FBXL20: variants seen among roughly 807,000 people sequenced by gnomAD.
FBXL20 encodes the protein F-box and leucine rich repeat protein 20.
Under a neutral mutation model 64.0 loss-of-function variants are expected in FBXL20, and 11 were observed. The ratio of observed to expected loss-of-function variants is 0.17; its 90% CI spans 0.11 to 0.28. FBXL20 has a LOEUF of 0.28. FBXL20 is among the 10% of genes least tolerant of loss of function. The pLI is 1.00. For synonymous variants in FBXL20, 184 were observed against 189.0 expected (o/e 0.97, Z 0.22); for missense variants, 303 against 526.2 (o/e 0.58, Z 4.15).
chr17:39,363,504 CAT>C lies in FBXL20; in HGVS notation c.43-20265_43-20264del, dbSNP rs530931710. Among the ~76,000 whole-genome samples, 24 of 151,960 alleles carry C rather than the reference CAT, an allele frequency of 1.6e-4. No homozygotes were observed. The East Asian group carries it at 3.3e-3, about 21-fold the overall frequency. On this transcript the variant is annotated intron_variant, in intron 1 of 14. Transcript: ENST00000264658. ...ATCTGAGTGTTTATAAATTAAGCCACATGTCTATACAAACAGATAAATAATGG... is the reference window on the plus strand; with the variant it reads ...ATCTGAGTGTTTATAAATTAAGCCACGTCTATACAAACAGATAAATAATGG...
In FBXL20 at chr17:39,261,180, T is replaced by G. The variant is rs926224643; in HGVS notation, c.*280A>C. ...GAATGCCCCTCCCTATCTTGGCCTA[T>G]GATTTTCTTATGGGCACCTCAACAG... On this transcript the variant is annotated 3_prime_UTR_variant, in exon 15 of 15. Coordinates refer to ENST00000264658, the MANE Select transcript of FBXL20 (RefSeq NM_032875.3). 1.8e-5 allele frequency: 6 copies of G among 330,512 alleles called. No individual in the cohort carries two copies. Among genetic ancestry groups the G allele is most frequent in the African/African-American group, 1.1e-4 (5 of 45,250 alleles). The allele number at this position is 330,512 out of a possible 1,614,324, so 20.5% of individuals were successfully genotyped here.
rs904440811 is a variant in FBXL20, at chr17:39,324,155, G to A, written c.104+19025C>T. 2.9e-4 allele frequency among the ~76,000 whole-genome samples: 43 copies of A among 149,716 alleles called. 8 individuals are homozygous for A. The highest frequency in any genetic ancestry group is 1.0e-3 in the African/African-American group (40 of 39,128). On this transcript the variant is annotated intron_variant, in intron 2 of 14. Transcript: ENST00000264658. ...TACACTTCACCGTGTACTAAAGAAC[G>A]GCTCATGAATCAACTGCATCAGTAT...
chr17:39,316,294 T>TACACACAC (rs34083114), intron 2 of FBXL20, among the ~76,000 whole-genome samples: 6 of 150,224 alleles, frequency 4.0e-5, no homozygotes, highest in African/African-American at 9.8e-5. Context: ...CATCTACATA[T>TACACACAC]ACACACACAC....
chr17:39,355,264 G>A (rs8068427), intron 1 of FBXL20, among the ~76,000 whole-genome samples: 48,021 of 151,390 alleles, frequency 0.32, 8,507 homozygotes, highest in African/African-American at 0.48. Context: ...CTATGGCCAC[G>A]CCTGTAATCC....
intron 2 of FBXL20, among the ~76,000 whole-genome samples, chr17:39,337,948 G>GT (rs1158960320): frequency 2.0e-5 from 3 of 151,118 alleles, no homozygotes; most frequent in Non-Finnish European, 4.4e-5. Flanking sequence ...CAGCTGCCCC[G>GT]TCCGGGAGGT....
chr17:39,295,333 C>T (rs2047074554), intron 6 of FBXL20, among the ~76,000 whole-genome samples: 3 of 152,110 alleles, frequency 2.0e-5, no homozygotes, highest in African/African-American at 4.8e-5. Flanking sequence ...GTAGTGTGAT[C>T]TCAGCTCACT....
chr17:39,342,438 G>A (rs1184187363), intron 2 of FBXL20, among the ~76,000 whole-genome samples: 1 of 151,700 alleles, frequency 6.6e-6, no homozygotes, highest in Non-Finnish European at 1.5e-5. Context: ...AATTGGGGCT[G>A]GGCACCGTGG....
intron 1 of FBXL20, among the ~76,000 whole-genome samples, chr17:39,357,672 C>A (rs144774288): frequency 6.6e-6 from 1 of 152,192 alleles, no homozygotes; most frequent in Non-Finnish European, 1.5e-5. Context: ...AGCCTCCCAA[C>A]GTGTTGCGAC....
chr17:39,364,298 T>C (rs547792171), intron 1 of FBXL20, among the ~76,000 whole-genome samples: 113 of 152,260 alleles, frequency 7.4e-4, no homozygotes, highest in African/African-American at 2.3e-3. Flanking sequence ...TAGGTTGACA[T>C]AGTGACTTGA....
chr17:39,317,716 T>C (rs1338420789), intron 2 of FBXL20, among the ~76,000 whole-genome samples: 12 of 121,672 alleles, frequency 9.9e-5, no homozygotes, highest in African/African-American at 3.7e-4. Flanking sequence ...TTTTTTTTTT[T>C]TTTGAGACGG....
chr17:39,388,460 A>C, intron 1 of FBXL20, among the ~76,000 whole-genome samples: 1 of 146,150 alleles, frequency 6.8e-6, no homozygotes, highest in African/African-American at 2.5e-5. Flanking sequence ...AACCTGTCTC[A>C]AAAAAAAAAA....
At chr17:39,330,497 C>G (rs2047450457) in intron 2 of FBXL20, among the ~76,000 whole-genome samples, 1 of 151,900 alleles carries the variant, frequency 6.6e-6, no homozygotes, top group African/African-American at 2.4e-5. Flanking sequence ...GTCTGTAATC[C>G]CAGCTACTTG....
chr17:39,267,761 TGGTAGAGAAAG>T (rs1198022698), intron 12 of FBXL20, among the ~76,000 whole-genome samples: 3 of 151,966 alleles, frequency 2.0e-5, no homozygotes, highest in Non-Finnish European at 4.4e-5. Context: ...GGCTACAAAA[TGGTAGAGAAAG>T]GGGGTGGGCG....
At chr17:39,374,417 T>C (rs1161591663) in intron 1 of FBXL20, among the ~76,000 whole-genome samples, 1 of 151,002 alleles carries the variant, frequency 6.6e-6, no homozygotes, top group Non-Finnish European at 1.5e-5. Context: ...GTACCTGTAA[T>C]GTAATCCCAG....
chr17:39,262,657 A>G (rs2046757100), intron 14 of FBXL20, among the ~76,000 whole-genome samples: 1 of 151,898 alleles, frequency 6.6e-6, no homozygotes, highest in African/African-American at 2.4e-5. Context: ...TCCAATAAAC[A>G]TCTGTTGAGC....
At chr17:39,272,400 A>G (rs1267012890) in intron 10 of FBXL20, among the ~76,000 whole-genome samples, 2 of 105,504 alleles carry the variant, frequency 1.9e-5, no homozygotes, top group Admixed American at 2.0e-4. Context: ...AAAAAAAAAA[A>G]AATTTTTTTT....
chr17:39,375,845 C>G (rs947369552), intron 1 of FBXL20, among the ~76,000 whole-genome samples: 5 of 152,052 alleles, frequency 3.3e-5, no homozygotes, highest in African/African-American at 1.2e-4. Context: ...CGTGGCTGGG[C>G]GTGGTGGCTC....
chr17:39,281,451 C>G lies in FBXL20; in HGVS notation c.634G>C (p.Ala212Pro). Residue 212 changes from alanine to proline, a missense_variant, in exon 9 of 15, where the codon GCT becomes CCT. Ala to Pro is a conservative substitution (Grantham distance 27). This residue lies in a region of FBXL20 where 246 missense variants were observed against 422.6 expected (regional missense o/e 0.58). Transcript: ENST00000264658. ...CAGTGTGCACCTATGTACTTGAGAG[C>G]TTCATCTTCTAGCTAGAAAGATTAA... ...LKGCTQLEDE[A>P]LKYIGAHCPE... 1 of 1,612,600 alleles carries G rather than the reference C, an allele frequency of 6.2e-7. No homozygotes were observed. Among genetic ancestry groups the G allele is most frequent in the Non-Finnish European group, 8.5e-7 (1 of 1,179,254 alleles).
intron 12 of FBXL20, among the ~76,000 whole-genome samples, chr17:39,268,576 A>T (rs897006079): frequency 6.6e-6 from 1 of 152,120 alleles, no homozygotes; most frequent in African/African-American, 2.4e-5. Context: ...TATTTTTAAC[A>T]GCTTTACAGC....
Sources: allele counts gnomAD v4.1 joint callset (sites outside exome capture counted in the v4.1 genomes callset), GRCh38; gene constraint gnomAD v4.1.1; regional missense constraint gnomAD v4.1.1; transcripts MANE v1.5; gene names NCBI Gene and HGNC (gene_info 2026-07-23, HGNC 2026-07-21).